The following PTPRQ variants were observed in gnomAD, a reference collection of about 807,000 sequenced individuals.
PTPRQ encodes the protein phosphatidylinositol phosphatase PTPRQ.
In PTPRQ, 199 loss-of-function variants were observed where a neutral mutation model predicts 246.0. That is an observed-to-expected ratio of 0.81 (90% CI 0.72 to 0.91). The LOEUF (loss-of-function observed/expected upper bound fraction) is 0.91. Among genes scored for constraint, PTPRQ ranks in the 40% least tolerant of loss-of-function variants. The probability of loss-of-function intolerance (pLI) is 0.00; values close to 1 mark genes in which losing one functional copy is unlikely to be tolerated. For missense variants in PTPRQ, 2,624 were observed against 2,528.4 expected (o/e 1.04, Z -0.81); for synonymous variants, 869 against 853.2 (o/e 1.02, Z -0.32).
At chr12:80,632,949 G>A (rs972142420) in intron 34 of PTPRQ, among the ~76,000 whole-genome samples, 6 of 152,194 alleles carry the variant, frequency 3.9e-5, no homozygotes, top group African/African-American at 1.4e-4. Context: ...ATCCAAGTGA[G>A]CTGCTGGGCT....
intron 26 of PTPRQ, among the ~76,000 whole-genome samples, chr12:80,591,928 A>G (rs1330488195): frequency 6.6e-6 from 1 of 152,226 alleles, no homozygotes; most frequent in Non-Finnish European, 1.5e-5. Context: ...CACACTTGAC[A>G]CTATTATACA....
At position 80,460,650 on chromosome 12, in the gene PTPRQ, TAGG is replaced by T; in HGVS notation, c.661_663del (p.Glu221del). 2 of 398,622 alleles carry T rather than the reference TAGG, an allele frequency of 5.0e-6. No homozygotes were observed. The highest frequency in any genetic ancestry group is 4.4e-5 in the Admixed American group (1 of 22,738). 24.7% of individuals were successfully genotyped at this position (398,622 alleles called of 1,614,324 possible). A position where few individuals can be genotyped will look rare whatever the true frequency, so the allele number is the denominator to read the frequency against. On this transcript the variant is annotated splice_acceptor_variant and coding_sequence_variant, in exon 6 of 45. Coordinates refer to ENST00000644991, the MANE Select transcript of PTPRQ (RefSeq NM_001145026.2). LOFTEE classifies it high-confidence loss of function. ...TCTCTATTGATCTTATTTTATTTACTAGGAGAATAGTGAATCTTTTTTATGGAG... is the reference window on the plus strand; with the variant it reads ...TCTCTATTGATCTTATTTTATTTACTAGAATAGTGAATCTTTTTTATGGAG...
chr12:80,496,193 A>G, intron 13 of PTPRQ, 57 bp from the exon 14 acceptor site: 1 of 1,542,350 alleles, frequency 6.5e-7, no homozygotes, highest in South Asian at 1.2e-5. Context: ...TCTAGGGTCT[A>G]AAGCAACAAA....
chr12:80,656,224 A>G (rs1320490369), intron 38 of PTPRQ, among the ~76,000 whole-genome samples: 1 of 152,214 alleles, frequency 6.6e-6, no homozygotes, highest in Non-Finnish European at 1.5e-5. Flanking sequence ...AATTGTGATT[A>G]CTAACAATAC....
chr12:80,638,905 A>C (rs941995914), intron 35 of PTPRQ, among the ~76,000 whole-genome samples: 1 of 152,238 alleles, frequency 6.6e-6, no homozygotes, highest in Non-Finnish European at 1.5e-5. Context: ...AAGAATATGT[A>C]ACATTTTGGG....
intron 26 of PTPRQ, among the ~76,000 whole-genome samples, chr12:80,597,365 T>C (rs771568273): frequency 5.9e-5 from 9 of 152,132 alleles, no homozygotes; most frequent in Non-Finnish European, 8.8e-5. Context: ...AAAATGGTGA[T>C]ATTTTATGCT....
chr12:80,523,925 A>C (rs1053886689), intron 17 of PTPRQ, among the ~76,000 whole-genome samples: 5 of 151,882 alleles, frequency 3.3e-5, no homozygotes, highest in African/African-American at 1.2e-4. Context: ...ATCCTTGTTA[A>C]CTTTCTGTCT....
chr12:80,549,864 C>G, intron 25 of PTPRQ, 130 bp downstream of exon 25: 1 of 1,268,870 alleles, frequency 7.9e-7, no homozygotes, highest in Non-Finnish European at 1.0e-6. Context: ...ACAACACAGG[C>G]TTTTTATCCC....
chr12:80,575,363 A>T (rs1442534379), intron 25 of PTPRQ, among the ~76,000 whole-genome samples: 1 of 151,846 alleles, frequency 6.6e-6, no homozygotes, highest in African/African-American at 2.4e-5. Flanking sequence ...AGGTGGGAGG[A>T]TCTTTTGAGC....
intron 25 of PTPRQ, among the ~76,000 whole-genome samples, chr12:80,551,371 C>A (rs1896469826): frequency 6.6e-6 from 1 of 152,088 alleles, no homozygotes; most frequent in South Asian, 2.1e-4. Context: ...GCCCCTTCTC[C>A]ACCTTGGCCA....
At chr12:80,495,635 G>T (rs1415873932) in intron 12 of PTPRQ, among the ~76,000 whole-genome samples, 1 of 152,032 alleles carries the variant, frequency 6.6e-6, no homozygotes, top group Non-Finnish European at 1.5e-5. Flanking sequence ...TTAACTGAAG[G>T]AATACTGTAT....
At chr12:80,481,709 C>G (rs534040252) in intron 8 of PTPRQ, among the ~76,000 whole-genome samples, 2 of 152,004 alleles carry the variant, frequency 1.3e-5, no homozygotes, top group Non-Finnish European at 2.9e-5. Flanking sequence ...ACAAAAATCA[C>G]AAGCATTCTT....
chr12:80,498,471 C>G (rs948885501), intron 14 of PTPRQ, among the ~76,000 whole-genome samples: 6 of 152,154 alleles, frequency 3.9e-5, no homozygotes, highest in African/African-American at 1.4e-4. Context: ...TCCTTCCCTC[C>G]TTAAGTTTTA....
intron 33 of PTPRQ, among the ~76,000 whole-genome samples, chr12:80,630,011 C>T (rs560971690): frequency 6.6e-6 from 1 of 152,206 alleles, no homozygotes; most frequent in East Asian, 1.9e-4. Context: ...CTCCTAAATA[C>T]TTTAGTATGT....
Position 80,445,347 on chromosome 12 carries a change from A to C in PTPRQ, c.164-144A>C, listed in dbSNP as rs971013473. Reference sequence around the variant, plus strand: ...TGGTATTCCACATAGTATTTTTTTAATAGTAACAGAGCTGTAGGGAGTGTG... The same window carrying C: ...TGGTATTCCACATAGTATTTTTTTACTAGTAACAGAGCTGTAGGGAGTGTG... On this transcript the variant is annotated intron_variant, in intron 2 of 44. Coordinates refer to ENST00000644991, the MANE Select transcript of PTPRQ (RefSeq NM_001145026.2). 2.0e-5 allele frequency: 11 copies of C among 536,820 alleles called. No homozygotes were observed. In the African/African-American group the frequency reaches 2.1e-4, roughly 10 times the overall value. The allele number at this position is 536,820 out of a possible 1,614,324, so 33.3% of individuals were successfully genotyped here.
At chr12:80,661,469 A>G (rs1900629375) in intron 39 of PTPRQ, among the ~76,000 whole-genome samples, 1 of 151,270 alleles carries the variant, frequency 6.6e-6, no homozygotes, top group African/African-American at 2.4e-5. Context: ...ATATGGTGAT[A>G]TATTTTTATA....
rs1901251326 is a variant in PTPRQ, at chr12:80,679,526, T to C, written c.*503T>C. The stretch of plus-strand genomic sequence containing the variant: ...CCTCTGTTTTATGAGTGCTGAGATA[T>C]CATCTCATGATCCCGAACAGCTGAA... On this transcript the variant is annotated 3_prime_UTR_variant, in exon 45 of 45. Coordinates refer to ENST00000644991, the MANE Select transcript of PTPRQ (RefSeq NM_001145026.2). 6.6e-6 allele frequency: 1 copy of C among 152,286 alleles called. No homozygotes were observed. 9.4% of individuals were successfully genotyped at this position (152,286 alleles called of 1,614,324 possible).
rs1029677061 is a variant in PTPRQ, at chr12:80,514,657, A to T, written c.2678+4214A>T. On this transcript the variant is annotated intron_variant, in intron 17 of 44. Coordinates refer to ENST00000644991, the MANE Select transcript of PTPRQ (RefSeq NM_001145026.2). ...ATATATTTGTATATTTTGTATACAAAATATATATTTGTATAATATATATTT... is the reference window on the plus strand; with the variant it reads ...ATATATTTGTATATTTTGTATACAATATATATATTTGTATAATATATATTT... 6.2e-5 allele frequency among the ~76,000 whole-genome samples: 9 copies of T among 144,214 alleles called. No homozygotes were observed. The South Asian group carries it at 6.4e-4, about 10-fold the overall frequency. 94.6% of individuals were successfully genotyped at this position (144,214 alleles called of 152,430 possible).
At chr12:80,519,315 A>T (rs1330604531) in intron 17 of PTPRQ, among the ~76,000 whole-genome samples, 1 of 152,210 alleles carries the variant, frequency 6.6e-6, no homozygotes, top group Non-Finnish European at 1.5e-5. Context: ...AATGCAGAAC[A>T]CTGAGAGAGT....
Sources: gnomAD v4.1 joint callset for allele counts (sites outside exome capture counted in the v4.1 genomes callset) on GRCh38, gnomAD v4.1.1 for gene constraint, MANE v1.5 for transcripts, NCBI Gene and HGNC (gene_info 2026-07-23, HGNC 2026-07-21) for gene names.